LRRC56: variants seen among roughly 807,000 people sequenced by gnomAD.
The protein encoded by LRRC56 is leucine rich repeat containing 56.
In LRRC56, 41 loss-of-function variants were observed where a neutral mutation model predicts 47.8. The ratio of observed to expected loss-of-function variants is 0.86; its 90% CI spans 0.67 to 1.11. The LOEUF is 1.11. LRRC56 is among the 50% of genes most tolerant of loss of function. The pLI is 0.00. For synonymous variants in LRRC56, 387 were observed against 311.2 expected (o/e 1.24, Z -2.56); for missense variants, 759 against 704.2 (o/e 1.08, Z -0.88).
At chr11:510,718 A>G in the LRRC56 span, among the ~76,000 whole-genome samples, 1 of 151,958 alleles carries the variant, frequency 6.6e-6, no homozygotes, top group South Asian at 2.1e-4. Flanking sequence ...AGCCTGGGCA[A>G]CAAAAAGCAA....
chr11:544,702 C>T lies in LRRC56; in HGVS notation c.266-18C>T. On this transcript the variant is annotated intron_variant, in intron 5 of 13. Coordinates refer to ENST00000270115, the MANE Select transcript of LRRC56 (RefSeq NM_198075.4). ...GGGTGAGGGGCCGGGCCAACCTCCTCCTCCTGTGGCCATACAGGGGTGCAC... is the reference window on the plus strand; with the variant it reads ...GGGTGAGGGGCCGGGCCAACCTCCTTCTCCTGTGGCCATACAGGGGTGCAC... 1 of 1,612,534 alleles carries T rather than the reference C, an allele frequency of 6.2e-7. No homozygotes were observed. Among genetic ancestry groups the T allele is most frequent in the Middle Eastern group, 1.7e-4 (1 of 6,060 alleles).
chr11:515,687 AAGT>A, the LRRC56 span, among the ~76,000 whole-genome samples: 1 of 152,070 alleles, frequency 6.6e-6, no homozygotes, highest in African/African-American at 2.4e-5. Context: ...AAAATACAAA[AAGT>A]AGCCAGGTGT....
At chr11:533,957 A>T (rs766582484), upstream of LRRC56, 41 of 1,608,298 alleles carry the variant, frequency 2.5e-5, no homozygotes, top group Non-Finnish European at 3.4e-5. Context: ...GCAGGAGGAC[A>T]GGGCTCAGGG....
chr11:517,305 G>C, the LRRC56 span, among the ~76,000 whole-genome samples: 2 of 151,150 alleles, frequency 1.3e-5, no homozygotes, highest in South Asian at 4.2e-4. Context: ...CTGCCCGGCC[G>C]CCCATCGTCT....
chr11:515,428 T>C, the LRRC56 span, among the ~76,000 whole-genome samples: 1 of 151,764 alleles, frequency 6.6e-6, no homozygotes. Flanking sequence ...CAGGTTTTCC[T>C]TTATGTGTCA....
intron 1 of LRRC56, among the ~76,000 whole-genome samples, chr11:538,079 C>T (rs993097910): frequency 9.9e-5 from 15 of 152,088 alleles, no homozygotes; most frequent in African/African-American, 3.4e-4. Flanking sequence ...GGAGCAGGGC[C>T]GTGAAGTGTG....
At chr11:526,915 C>T in the LRRC56 span, among the ~76,000 whole-genome samples, 11 of 151,542 alleles carry the variant, frequency 7.3e-5, no homozygotes, top group East Asian at 1.9e-4. Flanking sequence ...CCAGCCTGGG[C>T]GACAGAGCGA....
At chr11:525,479 C>T in the LRRC56 span, among the ~76,000 whole-genome samples, 4 of 151,600 alleles carry the variant, frequency 2.6e-5, no homozygotes, top group Non-Finnish European at 1.5e-5. Context: ...GCGGAGCTTG[C>T]AGTGAGCCGA....
intron 13 of LRRC56, 58 bp from the exon 14 acceptor site, chr11:553,905 G>C: frequency 6.5e-7 from 1 of 1,532,064 alleles, no homozygotes; most frequent in Non-Finnish European, 8.9e-7. Flanking sequence ...CCTCCCCACC[G>C]GGTGACTCCC....
At chr11:525,407 C>T in the LRRC56 span, among the ~76,000 whole-genome samples, 35 of 151,380 alleles carry the variant, frequency 2.3e-4, no homozygotes, top group African/African-American at 4.4e-4. Flanking sequence ...GCCGTGGTGG[C>T]GGCCGCCTGT....
intron 5 of LRRC56, among the ~76,000 whole-genome samples, chr11:542,604 A>AC (rs1851855455): frequency 8.8e-5 from 13 of 147,942 alleles, no homozygotes; most frequent in African/African-American, 3.3e-4. Flanking sequence ...AAAAAAAAAA[A>AC]CACTCCCTCC....
intron 13 of LRRC56, 38 bp from the exon 14 acceptor site, chr11:553,925 A>G: frequency 1.9e-6 from 3 of 1,587,548 alleles, no homozygotes; most frequent in Middle Eastern, 1.7e-4. Flanking sequence ...CTTCCCTGAC[A>G]GCCTTTCTGA....
At chr11:525,465 G>T in the LRRC56 span, among the ~76,000 whole-genome samples, 1 of 151,898 alleles carries the variant, frequency 6.6e-6, no homozygotes, top group African/African-American at 2.4e-5. Context: ...CGTGAACCCA[G>T]TAGGCGGAGC....
intron 6 of LRRC56, among the ~76,000 whole-genome samples, chr11:549,588 T>C (rs993860364): frequency 1.3e-5 from 2 of 152,152 alleles, no homozygotes; most frequent in Admixed American, 1.3e-4. Flanking sequence ...AGGAGACAAT[T>C]AGAAAGAGAA....
chr11:532,395 C>T, the LRRC56 span: 45 of 606,686 alleles, frequency 7.4e-5, no homozygotes, highest in African/African-American at 5.2e-4. Context: ...GCAGTCACCT[C>T]GGCCCACGGT....
At chr11:515,542 TATA>T in the LRRC56 span, among the ~76,000 whole-genome samples, 1 of 152,158 alleles carries the variant, frequency 6.6e-6, no homozygotes, top group Non-Finnish European at 1.5e-5. Flanking sequence ...CATTTTGGCT[TATA>T]ATAAGTTCTG....
intron 6 of LRRC56, among the ~76,000 whole-genome samples, chr11:549,115 G>A (rs1043395473): frequency 2.0e-5 from 3 of 152,144 alleles, no homozygotes; most frequent in Non-Finnish European, 2.9e-5. Context: ...CACAGTGGGC[G>A]GAATGAAGCC....
At chr11:526,568 G>A in the LRRC56 span, among the ~76,000 whole-genome samples, 3 of 152,194 alleles carry the variant, frequency 2.0e-5, no homozygotes, top group African/African-American at 7.2e-5. Flanking sequence ...GGCTCCAGTC[G>A]TAACAGGCAA....
At chr11:517,787 G>A in the LRRC56 span, among the ~76,000 whole-genome samples, 2 of 152,208 alleles carry the variant, frequency 1.3e-5, no homozygotes, top group Non-Finnish European at 2.9e-5. Flanking sequence ...TGTGTAGAAA[G>A]AAGTAGACAT....
Sources: allele counts gnomAD v4.1 joint callset (sites outside exome capture counted in the v4.1 genomes callset), GRCh38; gene constraint gnomAD v4.1.1; transcripts MANE v1.5; gene names NCBI Gene and HGNC (gene_info 2026-07-23, HGNC 2026-07-21).